The following TECR variants were observed in gnomAD, a reference collection of about 807,000 sequenced individuals.
The protein encoded by TECR is very-long-chain enoyl-CoA reductase.
Under a neutral mutation model 50.6 loss-of-function variants are expected in TECR, and 19 were observed. The observed-to-expected ratio is 0.38, with a 90% CI of 0.26 to 0.55. TECR has a LOEUF of 0.55. Ranked by LOEUF, TECR falls within the 20% of genes least tolerant of loss-of-function variation. The pLI, the probability that TECR is intolerant of heterozygous loss-of-function variation, is 0.79. For missense variants in TECR, 313 were observed against 408.3 expected, an observed-to-expected ratio of 0.77 and a Z score of 2.01; for synonymous variants, 168 against 163.5, an observed-to-expected ratio of 1.03 and a Z score of -0.21.
intron 1 of TECR, chr19:14,562,054 A>G (rs1182141650): frequency 2.9e-6 from 1 of 343,880 alleles, no homozygotes; most frequent in African/African-American, 2.1e-5. Context: ...TTTTGAGGTG[A>G]CCACTCAAAA....
chr19:14,565,110 C>A lies in TECR; in HGVS notation c.651C>A (p.Asp217Glu). The change falls in exon 10 of 13, where the codon GAC becomes GAA. Residue 217 changes from aspartate (D) to glutamate (E), a missense_variant. Physicochemically the swap from Asp to Glu is conservative, Grantham distance 45. Coordinates refer to ENST00000215567, the MANE Select transcript of TECR (RefSeq NM_138501.6). ...TCTCCATCCACATGGCCCTGCGGGA[C>A]CTGCGGCCCGCTGGTGAGTGCCTGC... is the stretch of plus-strand genomic sequence containing the variant. ...GNFSIHMALRDLRPAGSKTRK... is the reference protein window; with the variant it reads ...GNFSIHMALRELRPAGSKTRK... 6.2e-7 allele frequency: 1 copy of A among 1,613,826 alleles called. No individual in the cohort carries two copies. The highest frequency in any genetic ancestry group is 8.5e-7 in the Non-Finnish European group (1 of 1,180,032).
intron 1 of TECR, among the ~76,000 whole-genome samples, chr19:14,561,444 C>T (rs1267509209): frequency 2.0e-5 from 3 of 152,174 alleles, no homozygotes; most frequent in African/African-American, 7.2e-5. Flanking sequence ...AGCCCTGCCC[C>T]TCTGCACCCC....
At chr19:14,559,931 C>A (rs573165406) in intron 1 of TECR, among the ~76,000 whole-genome samples, 2 of 152,148 alleles carry the variant, frequency 1.3e-5, no homozygotes, top group East Asian at 1.9e-4. Flanking sequence ...GGGAGACGGA[C>A]GGCCGTCCCA....
At chr19:14,542,357 T>G (rs943939127) in intron 1 of TECR, among the ~76,000 whole-genome samples, 9 of 122,746 alleles carry the variant, frequency 7.3e-5, no homozygotes, top group South Asian at 3.1e-4. Flanking sequence ...GTTTTTTTTT[T>G]TTTTTTTTTT....
chr19:14,565,468 T>G, intron 11 of TECR, 150 bp from the exon 12 acceptor site: 1 of 1,378,262 alleles, frequency 7.3e-7, no homozygotes, highest in Non-Finnish European at 9.9e-7. Context: ...CCGCTGGGCT[T>G]CCGCCGTATA....
rs1043298294 is a variant in TECR, at chr19:14,547,963, C to CT, written c.16-14544dup. ...CCATGTGTGTGTTTAATGGGCATTT[C>CT]TTTTTTTTTTTTTTTTTTGAGACGG... On this transcript the variant is annotated intron_variant, in intron 1 of 12. Coordinates refer to ENST00000215567, the MANE Select transcript of TECR (RefSeq NM_138501.6). Among the ~76,000 whole-genome samples, 763 of 125,642 alleles carry CT rather than the reference C, an allele frequency of 6.1e-3. 6 individuals are homozygous for CT. The highest frequency in any genetic ancestry group is 0.033 in the East Asian group (143 of 4,364). The allele number at this position is 125,642 out of a possible 152,430, so 82.4% of individuals were successfully genotyped here. A position where few individuals can be genotyped will look rare whatever the true frequency, so the allele number is the denominator to read the frequency against.
At chr19:14,556,928 T>C (rs1568421885) in intron 1 of TECR, among the ~76,000 whole-genome samples, 1 of 151,958 alleles carries the variant, frequency 6.6e-6, no homozygotes, top group Non-Finnish European at 1.5e-5. Flanking sequence ...TCGCTATTGT[T>C]AGGGTTTGGG....
intron 1 of TECR, among the ~76,000 whole-genome samples, chr19:14,545,559 T>A (rs1402095737): frequency 6.6e-6 from 1 of 152,140 alleles, no homozygotes; most frequent in African/African-American, 2.4e-5. Context: ...ATCCCGGCCC[T>A]TGGATCGCTG....
In TECR at chr19:14,529,663, A is replaced by C; in HGVS notation, c.-34A>C. ...CTGTGCCGCGCAGTTAGGCAGCAGCAGCCGCGGAGCAGTAGCCGCCGTGGG... is the reference window on the plus strand; with the variant it reads ...CTGTGCCGCGCAGTTAGGCAGCAGCCGCCGCGGAGCAGTAGCCGCCGTGGG... On this transcript the variant is annotated 5_prime_UTR_variant, in exon 1 of 13. Coordinates refer to ENST00000215567, the MANE Select transcript of TECR (RefSeq NM_138501.6). The C allele has an allele frequency of 1.2e-6, 2 of 1,613,792 alleles. No homozygotes were observed. Among genetic ancestry groups the C allele is most frequent in the South Asian group, 2.2e-5 (2 of 91,082 alleles).
At chr19:14,556,758 T>TG (rs2073740742) in intron 1 of TECR, among the ~76,000 whole-genome samples, 1 of 152,190 alleles carries the variant, frequency 6.6e-6, no homozygotes, top group Non-Finnish European at 1.5e-5. Flanking sequence ...ACATCGGCTT[T>TG]GGGACTGTTC....
At chr19:14,538,587 C>T (rs2072987764) in intron 1 of TECR, among the ~76,000 whole-genome samples, 1 of 149,884 alleles carries the variant, frequency 6.7e-6, no homozygotes, top group Admixed American at 6.7e-5. Context: ...GGCTGGAGTG[C>T]AGTGGCGTAA....
rs931645650 is a variant in TECR, at chr19:14,551,295, G to A, written c.16-11230G>A. Among the ~76,000 whole-genome samples, 9 of 151,664 alleles carry A rather than the reference G, an allele frequency of 5.9e-5. No homozygotes were observed. In the East Asian group the frequency reaches 1.2e-3, roughly 20 times the overall value. ...TCATCATGTTGGCCAGGCTACTCTC[G>A]AACTCCTGACCTCAGGTGATCCACC... On this transcript the variant is annotated intron_variant, in intron 1 of 12. Transcript: ENST00000215567.
At chr19:14,557,131 T>TATG (rs542168693) in intron 1 of TECR, among the ~76,000 whole-genome samples, 16,338 of 149,944 alleles carry the variant, frequency 0.11, 1,135 homozygotes, top group African/African-American at 0.19. Flanking sequence ...ATTTATTTAT[T>TATG]TATTTATTTA....
chr19:14,564,305 C>A lies in TECR; in HGVS notation c.489+18C>A. On this transcript the variant is annotated intron_variant, in intron 7 of 12. Coordinates refer to ENST00000215567, the MANE Select transcript of TECR (RefSeq NM_138501.6). Reference sequence around the variant, plus strand: ...TCTTCAAGGTGAGAGCCCGTCCCCGCCTCACCCCTAAGCCCCGCCTTTCTG... The same window carrying A: ...TCTTCAAGGTGAGAGCCCGTCCCCGACTCACCCCTAAGCCCCGCCTTTCTG... The A allele has an allele frequency of 6.3e-7, 1 of 1,586,354 alleles. No homozygotes were observed. Among genetic ancestry groups the A allele is most frequent in the South Asian group, 1.1e-5 (1 of 90,390 alleles).
intron 7 of TECR, 43 bp downstream of exon 7, chr19:14,564,330 GCCCCA>G (rs2073996092): frequency 3.0e-6 from 4 of 1,324,804 alleles, no homozygotes; most frequent in Admixed American, 2.6e-5. Context: ...CCGCCTTTCT[GCCCCA>G]CCCCGCCCCG....
At chr19:14,559,780 C>G (rs1397187770) in intron 1 of TECR, among the ~76,000 whole-genome samples, 2 of 112,464 alleles carry the variant, frequency 1.8e-5, no homozygotes, top group Non-Finnish European at 3.7e-5. Context: ...GAGTGAGACT[C>G]TGTCTCAAAA....
chr19:14,546,876 A>G (rs2073325587), intron 1 of TECR, among the ~76,000 whole-genome samples: 1 of 152,094 alleles, frequency 6.6e-6, no homozygotes, highest in East Asian at 1.9e-4. Context: ...TTTTAGTAGA[A>G]ACAGGGTTTC....
At position 14,562,530 on chromosome 19, in the gene TECR, G is replaced by A. The variant is rs1444858164; in HGVS notation, c.21G>A (p.Glu7=). 5 of 1,614,140 alleles carry A rather than the reference G, an allele frequency of 3.1e-6. No individual in the cohort carries two copies. The Admixed American group carries it at 5.0e-5, about 16-fold the overall frequency. Residue 7 remains glutamate (E), a synonymous_variant, in exon 2 of 13, where the codon GAG becomes GAA. Coordinates refer to ENST00000215567, the MANE Select transcript of TECR (RefSeq NM_138501.6). The part of the protein sequence containing the change: MKHYEV[E]ILDAKTREKL... ...AGGCTGTTCTCTTCTTCGAGGTGGA[G>A]ATTCTGGACGCAAAGACAAGGGAGA...
intron 1 of TECR, among the ~76,000 whole-genome samples, chr19:14,546,145 C>T (rs2073298882): frequency 1.3e-5 from 2 of 152,254 alleles, no homozygotes; most frequent in South Asian, 4.1e-4. Flanking sequence ...CACAAATCTG[C>T]TTTCAGAAAA....
Sources: gnomAD v4.1 joint callset for allele counts (sites outside exome capture counted in the v4.1 genomes callset) on GRCh38, gnomAD v4.1.1 for gene constraint, MANE v1.5 for transcripts, NCBI Gene and HGNC (gene_info 2026-07-23, HGNC 2026-07-21) for gene names.